The following TENM2 variants were observed in gnomAD, a reference collection of about 807,000 sequenced individuals.
TENM2 encodes teneurin transmembrane protein 2.
TENM2 carries 52 observed loss-of-function variants against 245.2 expected under a neutral mutation model. The observed-to-expected ratio is 0.21, with a 90% CI of 0.17 to 0.27. The LOEUF is 0.27. Ranked by LOEUF, TENM2 falls within the 10% of genes least tolerant of loss-of-function variation. The probability of loss-of-function intolerance (pLI) is 1.00; values close to 1 mark genes in which losing one functional copy is unlikely to be tolerated. For synonymous variants in TENM2, 1,363 were observed against 1,438.9 expected (o/e 0.95, Z 1.19); for missense variants, 3,046 against 3,666.8 (o/e 0.83, Z 4.37).
chr5:167,582,203 G>A (rs1229699295), intron 2 of TENM2, among the ~76,000 whole-genome samples: 1 of 152,164 alleles, frequency 6.6e-6, no homozygotes, highest in Admixed American at 6.5e-5. Flanking sequence ...ACTCTTCTCT[G>A]AGTTCTATAC....
intron 1 of TENM2, among the ~76,000 whole-genome samples, chr5:167,338,842 C>T (rs1287222596): frequency 6.6e-6 from 1 of 152,204 alleles, no homozygotes; most frequent in Non-Finnish European, 1.5e-5. Flanking sequence ...GATGGCCCCG[C>T]TTTTGTTGCA....
chr5:167,765,874 C>T (rs1253160849), intron 2 of TENM2, among the ~76,000 whole-genome samples: 1 of 152,142 alleles, frequency 6.6e-6, no homozygotes. Flanking sequence ...CACAGGTCTA[C>T]ATTTTTCTGT....
At chr5:167,849,872 C>G (rs73803239) in intron 2 of TENM2, among the ~76,000 whole-genome samples, 1,558 of 152,304 alleles carry the variant, frequency 0.01, 27 homozygotes, top group African/African-American at 0.036. Context: ...TTCCATGCCT[C>G]TCCAAGTATG....
chr5:167,787,001 C>A (rs985204120), intron 2 of TENM2, among the ~76,000 whole-genome samples: 5 of 152,214 alleles, frequency 3.3e-5, no homozygotes, highest in African/African-American at 1.2e-4. Context: ...AGGTATTAAG[C>A]ACTTAAATAC....
intron 9 of TENM2, among the ~76,000 whole-genome samples, chr5:168,109,754 C>T (rs1794523269): frequency 6.6e-6 from 1 of 152,216 alleles, no homozygotes. Context: ...TTGAACTTTG[C>T]TTGGACTGCC....
the TENM2 span, among the ~76,000 whole-genome samples, chr5:167,005,242 TTGGGAA>T: frequency 1.3e-5 from 2 of 152,108 alleles, no homozygotes; most frequent in African/African-American, 4.8e-5. Flanking sequence ...TTCTTGAAAG[TTGGGAA>T]TGGTCTGTTG....
chr5:168,047,908 A>C (rs1788752835), intron 6 of TENM2, among the ~76,000 whole-genome samples: 1 of 152,188 alleles, frequency 6.6e-6, no homozygotes, highest in Non-Finnish European at 1.5e-5. Context: ...CAGCAGCAGC[A>C]GGAGAAAGTC....
chr5:167,929,528 A>G (rs1020990860), intron 3 of TENM2, among the ~76,000 whole-genome samples: 4 of 152,106 alleles, frequency 2.6e-5, no homozygotes, highest in Non-Finnish European at 5.9e-5. Context: ...TAAAGGACCA[A>G]CTCCTCAAGG....
chr5:167,436,863 A>C (rs1215657398), intron 2 of TENM2, among the ~76,000 whole-genome samples: 2 of 152,206 alleles, frequency 1.3e-5, no homozygotes, highest in African/African-American at 4.8e-5. Context: ...CACAGAAGTC[A>C]AGAATTGAGG....
chr5:167,414,523 G>A (rs1385732768), intron 2 of TENM2, among the ~76,000 whole-genome samples: 2 of 152,022 alleles, frequency 1.3e-5, no homozygotes, highest in Non-Finnish European at 2.9e-5. Flanking sequence ...AAGTGATTTA[G>A]GGTGATTTAT....
intron 6 of TENM2, among the ~76,000 whole-genome samples, chr5:168,049,278 C>A (rs1017687912): frequency 6.6e-6 from 1 of 152,202 alleles, no homozygotes; most frequent in African/African-American, 2.4e-5. Context: ...CCCTTGGAAA[C>A]TCCACTTTAT....
At chr5:168,258,599 C>A (rs1418839698) in intron 27 of TENM2, among the ~76,000 whole-genome samples, 1 of 152,114 alleles carries the variant, frequency 6.6e-6, no homozygotes, top group East Asian at 1.9e-4. Context: ...AAACTTAGAA[C>A]CTTAAAAACA....
At chr5:167,654,356 A>G (rs1217931987) in intron 2 of TENM2, among the ~76,000 whole-genome samples, 1 of 152,146 alleles carries the variant, frequency 6.6e-6, no homozygotes, top group East Asian at 1.9e-4. Flanking sequence ...CACGATGAAG[A>G]AGCACTCACT....
the TENM2 span, among the ~76,000 whole-genome samples, chr5:167,120,537 A>G: frequency 6.6e-6 from 1 of 152,238 alleles, no homozygotes; most frequent in African/African-American, 2.4e-5. Context: ...ATTAGTCATC[A>G]GGAGTTGTCT....
intron 2 of TENM2, among the ~76,000 whole-genome samples, chr5:167,528,882 T>C (rs1771297007): frequency 1.3e-5 from 2 of 152,184 alleles, no homozygotes; most frequent in African/African-American, 4.8e-5. Flanking sequence ...CCTTTGTCAC[T>C]AAGAACTATC....
chr5:167,343,252 C>T lies in TENM2; in HGVS notation c.227-31946C>T, dbSNP rs542167190. ...GGGTATATCACCTGTATTTCTTGTCCCTATCCCTAGAATCAGCCATTTCTT... is the reference window on the plus strand; with the variant it reads ...GGGTATATCACCTGTATTTCTTGTCTCTATCCCTAGAATCAGCCATTTCTT... On this transcript the variant is annotated intron_variant, in intron 1 of 28. Transcript: ENST00000518659. Among the ~76,000 whole-genome samples the T allele has an allele frequency of 5.9e-5, 9 of 152,010 alleles. No individual in the cohort carries two copies. In the South Asian group the frequency reaches 1.9e-3, roughly 32 times the overall value.
intron 2 of TENM2, among the ~76,000 whole-genome samples, chr5:167,662,432 TG>T (rs1488642568): frequency 6.6e-6 from 1 of 152,196 alleles, no homozygotes; most frequent in Non-Finnish European, 1.5e-5. Context: ...ATAGATTTTA[TG>T]GTTACTGGAT....
chr5:167,294,648 T>C (rs1374228394), intron 1 of TENM2, among the ~76,000 whole-genome samples: 1 of 152,052 alleles, frequency 6.6e-6, no homozygotes, highest in Non-Finnish European at 1.5e-5. Context: ...GCCACAAAAT[T>C]AATGTACATA....
chr5:167,202,353 C>T, the TENM2 span, among the ~76,000 whole-genome samples: 1 of 152,106 alleles, frequency 6.6e-6, no homozygotes, highest in Non-Finnish European at 1.5e-5. Flanking sequence ...TCTCCAGACA[C>T]ACCCCGCTTG....
Sources: gnomAD v4.1 joint callset for allele counts (sites outside exome capture counted in the v4.1 genomes callset) on GRCh38, gnomAD v4.1.1 for gene constraint, MANE v1.5 for transcripts, NCBI Gene and HGNC (gene_info 2026-07-23, HGNC 2026-07-21) for gene names.